Variants in OCA2 observed in about 807,000 individuals in gnomAD.
The protein encoded by OCA2 is P protein.
Under a neutral mutation model 100.2 loss-of-function variants are expected in OCA2, and 77 were observed. That is an observed-to-expected ratio of 0.77 (90% CI 0.64 to 0.93). The LOEUF is 0.93. OCA2 is among the 40% of genes least tolerant of loss of function. OCA2 has a pLI of 0.00. For synonymous variants in OCA2, 432 were observed against 439.2 expected, an observed-to-expected ratio of 0.98 and a Z score of 0.21; for missense variants, 1,062 against 1,089.1, an observed-to-expected ratio of 0.98 and a Z score of 0.35.
At chr15:27,827,091 C>T (rs1333895194) in intron 23 of OCA2, among the ~76,000 whole-genome samples, 1 of 152,204 alleles carries the variant, frequency 6.6e-6, no homozygotes, top group Non-Finnish European at 1.5e-5. Context: ...CACAAACGTT[C>T]GCCTTAGAGT....
intron 23 of OCA2, among the ~76,000 whole-genome samples, chr15:27,782,109 T>G (rs1460112466): frequency 6.6e-6 from 1 of 152,220 alleles, no homozygotes. Flanking sequence ...TTTTTTGCTC[T>G]CTGAATATCA....
At chr15:27,739,790 G>A in the OCA2 span, among the ~76,000 whole-genome samples, 5 of 151,968 alleles carry the variant, frequency 3.3e-5, no homozygotes, top group Non-Finnish European at 5.9e-5. Flanking sequence ...ACCTCCAACC[G>A]GATCTACCTC....
downstream of OCA2, among the ~76,000 whole-genome samples, chr15:27,750,399 G>T (rs1342490329): frequency 3.3e-5 from 5 of 152,130 alleles, no homozygotes; most frequent in African/African-American, 7.2e-5. Flanking sequence ...ACACTCACCG[G>T]GAGTTTGAGA....
At chr15:27,767,909 C>T (rs2031394989) in intron 23 of OCA2, among the ~76,000 whole-genome samples, 1 of 152,230 alleles carries the variant, frequency 6.6e-6, no homozygotes, top group African/African-American at 2.4e-5. Flanking sequence ...AAAACTCCTA[C>T]TGGAGTCAGA....
chr15:27,809,644 C>T (rs959531087), intron 23 of OCA2, among the ~76,000 whole-genome samples: 4 of 152,144 alleles, frequency 2.6e-5, no homozygotes, highest in Admixed American at 6.6e-5. Flanking sequence ...AAAAGACTCC[C>T]AGATTTGACA....
intron 2 of OCA2, among the ~76,000 whole-genome samples, chr15:28,062,879 A>G (rs1300353250): frequency 6.6e-6 from 1 of 152,120 alleles, no homozygotes; most frequent in East Asian, 1.9e-4. Context: ...ATAAGAGTTT[A>G]TTTCTGGAGT....
Position 27,943,670 on chromosome 15 carries a change from T to TAAAA in OCA2, c.1951+8113_1951+8114insTTTT, listed in dbSNP as rs1567136140. Among the ~76,000 whole-genome samples, 6 of 127,208 alleles carry TAAAA rather than the reference T, an allele frequency of 4.7e-5. No individual in the cohort carries two copies. The East Asian group carries it at 6.7e-3, about 142-fold the overall frequency. 83.5% of individuals were successfully genotyped at this position (127,208 alleles called of 152,430 possible). A position where few individuals can be genotyped will look rare whatever the true frequency, so the allele number is the denominator to read the frequency against. On this transcript the variant is annotated intron_variant, in intron 18 of 23. Transcript: ENST00000354638. ...TGTGCCCTAAAACTTAAAGTATAATTTAAAAAAAAAAAAAAAAAAAACCTT... is the reference window on the plus strand; with the variant it reads ...TGTGCCCTAAAACTTAAAGTATAATTAAAATAAAAAAAAAAAAAAAAAAAACCTT...
At chr15:28,082,003 A>C in intron 1 of OCA2, 108 bp from the exon 2 acceptor site, 2 of 905,706 alleles carry the variant, frequency 2.2e-6, no homozygotes. Flanking sequence ...AGGCGGTCCC[A>C]GAGTTCCAGC....
At chr15:27,988,248 G>A (rs934347691) in intron 11 of OCA2, among the ~76,000 whole-genome samples, 4 of 151,930 alleles carry the variant, frequency 2.6e-5, no homozygotes, top group Non-Finnish European at 5.9e-5. Flanking sequence ...CAGAATCACA[G>A]AACCTGCCAG....
At chr15:27,898,160 C>T (rs552820981) in intron 19 of OCA2, among the ~76,000 whole-genome samples, 8 of 152,234 alleles carry the variant, frequency 5.3e-5, no homozygotes, top group East Asian at 1.9e-4. Flanking sequence ...TGTGTACTTT[C>T]GAGTTAATGC....
At chr15:27,805,862 G>C (rs185841607) in intron 23 of OCA2, among the ~76,000 whole-genome samples, 75 of 152,246 alleles carry the variant, frequency 4.9e-4, no homozygotes, top group African/African-American at 1.7e-3. Flanking sequence ...CGCCCGGGGC[G>C]TGGGATTCAA....
intron 23 of OCA2, among the ~76,000 whole-genome samples, chr15:27,792,092 A>G (rs2033110047): frequency 1.3e-5 from 2 of 152,194 alleles, no homozygotes; most frequent in Non-Finnish European, 2.9e-5. Context: ...CTCACCATGC[A>G]TTGAGGGTTC....
At chr15:27,813,798 T>G (rs1408816092) in intron 23 of OCA2, among the ~76,000 whole-genome samples, 1 of 152,136 alleles carries the variant, frequency 6.6e-6, no homozygotes, top group Non-Finnish European at 1.5e-5. Flanking sequence ...AAGAAACCTC[T>G]TAAAACTAGA....
In OCA2 at chr15:28,022,575, TGTAACAATCAGAAAC is replaced by T. The variant is rs752489291; in HGVS notation, c.574-17_574-3del. On this transcript the variant is annotated splice_polypyrimidine_tract_variant and splice_region_variant and intron_variant, in intron 5 of 23. Transcript: ENST00000354638. The stretch of plus-strand genomic sequence containing the variant: ...ATCCGGATATAGGCTGAACAAAATC[TGTAACAATCAGAAAC>T]GTTGAATGACAGAGGTGTGGTATGA... The T allele has an allele frequency of 3.7e-6, 6 of 1,612,324 alleles. No homozygotes were observed. In the African/African-American group the frequency reaches 8.0e-5, roughly 21 times the overall value.
intron 20 of OCA2, 83 bp downstream of exon 20, chr15:27,871,780 C>G: frequency 9.9e-7 from 1 of 1,005,750 alleles, no homozygotes. Context: ...CCTGTTCTTA[C>G]CAGAGTGCTT....
At chr15:27,789,897 T>TA in intron 23 of OCA2, among the ~76,000 whole-genome samples, 1 of 152,176 alleles carries the variant, frequency 6.6e-6, no homozygotes, top group Non-Finnish European at 1.5e-5. Context: ...AAAAATTTCT[T>TA]AAATATAATA....
intron 19 of OCA2, among the ~76,000 whole-genome samples, chr15:27,889,808 T>C (rs1480359773): frequency 4.6e-5 from 7 of 152,220 alleles, no homozygotes; most frequent in African/African-American, 1.7e-4. Flanking sequence ...ATGGACAGGC[T>C]GGACAGCATC....
the OCA2 span, among the ~76,000 whole-genome samples, chr15:27,743,042 C>T: frequency 6.6e-6 from 1 of 152,226 alleles, no homozygotes; most frequent in Non-Finnish European, 1.5e-5. Context: ...AGACATTCCG[C>T]AAGGCTCCAT....
chr15:27,829,293 A>C (rs957362940), intron 23 of OCA2, among the ~76,000 whole-genome samples: 2 of 146,612 alleles, frequency 1.4e-5, no homozygotes, highest in African/African-American at 5.0e-5. Flanking sequence ...AGATAGATAG[A>C]TAGATAGATA....
Sources: allele counts gnomAD v4.1 joint callset (sites outside exome capture counted in the v4.1 genomes callset), GRCh38; gene constraint gnomAD v4.1.1; transcripts MANE v1.5; gene names NCBI Gene and HGNC (gene_info 2026-07-23, HGNC 2026-07-21).